Variants in SIPA1L2 observed in about 807,000 individuals in gnomAD.
SIPA1L2 encodes the protein signal induced proliferation associated 1 like 2.
SIPA1L2 carries 56 observed loss-of-function variants against 163.9 expected under a neutral mutation model. The ratio of observed to expected loss-of-function variants is 0.34; its 90% CI spans 0.28 to 0.43. SIPA1L2 has a LOEUF of 0.43. Ranked by LOEUF, SIPA1L2 falls within the 20% of genes least tolerant of loss-of-function variation. SIPA1L2 has a pLI of 1.00. For synonymous variants in SIPA1L2, 877 were observed against 865.7 expected (o/e 1.01, Z -0.23); for missense variants, 1,974 against 2,193.5 (o/e 0.90, Z 2.00).
chr1:232,578,026 T>C (rs1028916084), intron 1 of SIPA1L2, among the ~76,000 whole-genome samples: 9 of 152,170 alleles, frequency 5.9e-5, no homozygotes, highest in South Asian at 2.1e-4. Flanking sequence ...TTTTAAGAAA[T>C]TGCCATACCC....
chr1:232,407,721 G>T (rs1186938982), intron 19 of SIPA1L2, among the ~76,000 whole-genome samples: 1 of 152,128 alleles, frequency 6.6e-6, no homozygotes, highest in Non-Finnish European at 1.5e-5. Context: ...AGGCCTTCGT[G>T]GGGCAGCAAC....
chr1:232,519,063 ACT>A lies in SIPA1L2; in HGVS notation c.-269-3457_-269-3456del, dbSNP rs1667338516. ...AATGGTTGTTAACACTTTGCAGGAC[ACT>A]GTTTGCTCCATGCCATTTTCCCAAA... On this transcript the variant is annotated intron_variant, in intron 2 of 22. Transcript: ENST00000674635. Among the ~76,000 whole-genome samples the A allele has an allele frequency of 3.9e-5, 6 of 152,310 alleles. No individual in the cohort carries two copies. In the South Asian group the frequency reaches 1.2e-3, roughly 32 times the overall value.
At chr1:232,581,346 G>C (rs1660361928) in intron 1 of SIPA1L2, among the ~76,000 whole-genome samples, 1 of 152,164 alleles carries the variant, frequency 6.6e-6, no homozygotes, top group Non-Finnish European at 1.5e-5. Context: ...TTCTGCCAAA[G>C]GAACTAAGCT....
upstream of SIPA1L2, among the ~76,000 whole-genome samples, chr1:232,630,318 G>A (rs1293655751): frequency 6.6e-6 from 1 of 151,914 alleles, no homozygotes; most frequent in Non-Finnish European, 1.5e-5. Flanking sequence ...CCCAGGCCCC[G>A]CGGCGCGCGG....
chr1:232,573,905 C>T (rs1208930035), intron 2 of SIPA1L2, among the ~76,000 whole-genome samples: 2 of 152,126 alleles, frequency 1.3e-5, no homozygotes, highest in Non-Finnish European at 1.5e-5. Flanking sequence ...CTTTTAAACG[C>T]ATTCAGGGAT....
At chr1:232,567,131 T>G (rs1659452702) in intron 2 of SIPA1L2, among the ~76,000 whole-genome samples, 1 of 152,248 alleles carries the variant, frequency 6.6e-6, no homozygotes, top group Non-Finnish European at 1.5e-5. Context: ...ACAAATTAGC[T>G]ATATGACCCT....
At chr1:232,567,059 G>GC (rs563999495) in intron 2 of SIPA1L2, among the ~76,000 whole-genome samples, 175 of 152,226 alleles carry the variant, frequency 1.1e-3, no homozygotes, top group African/African-American at 4.0e-3. Flanking sequence ...GGATGACTTG[G>GC]CCGTCTCCTT....
chr1:232,518,633 C>T (rs1255402084), intron 2 of SIPA1L2, among the ~76,000 whole-genome samples: 1 of 152,170 alleles, frequency 6.6e-6, no homozygotes. Context: ...TTGAGCTGAA[C>T]TGACAACCAT....
At chr1:232,538,174 A>G (rs964620915) in intron 2 of SIPA1L2, among the ~76,000 whole-genome samples, 1 of 152,320 alleles carries the variant, frequency 6.6e-6, no homozygotes, top group Admixed American at 6.5e-5. Flanking sequence ...CACAGGTGGG[A>G]TCACGGTCAG....
Position 232,446,124 on chromosome 1 carries a change from C to T in SIPA1L2, c.3096-338G>A, listed in dbSNP as rs530171660. Among the ~76,000 whole-genome samples the T allele has an allele frequency of 3.2e-4, 49 of 152,230 alleles. 1 individual carries two copies. The South Asian group carries it at 1.0e-2, about 31-fold the overall frequency. Reference sequence around the variant, plus strand: ...TATTAAAATGTTCCAACTACCAATGCGTAAGAAGCAGCTGTTCCAAGACCC... The same window carrying T: ...TATTAAAATGTTCCAACTACCAATGTGTAAGAAGCAGCTGTTCCAAGACCC... On this transcript the variant is annotated intron_variant, in intron 10 of 22. Transcript: ENST00000674635.
intron 2 of SIPA1L2, among the ~76,000 whole-genome samples, chr1:232,531,587 C>G (rs1051607599): frequency 6.6e-6 from 1 of 152,204 alleles, no homozygotes; most frequent in Non-Finnish European, 1.5e-5. Context: ...GGAAAAGGTC[C>G]TGCTCTCACA....
At chr1:232,489,333 C>T (rs1418829323) in intron 5 of SIPA1L2, among the ~76,000 whole-genome samples, 1 of 152,170 alleles carries the variant, frequency 6.6e-6, no homozygotes, top group Non-Finnish European at 1.5e-5. Context: ...CTCTATCCCG[C>T]CATAACATGT....
chr1:232,629,909 G>A lies in SIPA1L2; in HGVS notation c.-359C>T, dbSNP rs1382865529. Among the ~76,000 whole-genome samples, 3 of 151,290 alleles carry A rather than the reference G, an allele frequency of 2.0e-5. No individual in the cohort carries two copies. Among genetic ancestry groups the A allele is most frequent in the Non-Finnish European group, 4.4e-5 (3 of 67,610 alleles). On this transcript the variant is annotated 5_prime_UTR_variant, in exon 1 of 23. Transcript: ENST00000674635. ...CGCCGGAACCTGCTACAGCCTGTGC[G>A]CGCCGGGCGGCGCGTACCCGGGCTG...
chr1:232,445,860 G>GC, intron 10 of SIPA1L2, 74 bp from the exon 11 acceptor site: 1 of 1,544,644 alleles, frequency 6.5e-7, no homozygotes, highest in South Asian at 1.2e-5. Flanking sequence ...TCACAGCTGG[G>GC]CCCCTCAACA....
rs7540441 is a variant in SIPA1L2 at position 232,627,204 on chromosome 1, G to T, written c.-319+2665C>A. ...GCCTTCCTCAATCTCAAAAAATAAC[G>T]CTGCATTTACCAATTATGGTTGGGG... On this transcript the variant is annotated intron_variant, in intron 1 of 22. Coordinates refer to ENST00000674635, the MANE Select transcript of SIPA1L2 (RefSeq NM_020808.5). Among the ~76,000 whole-genome samples the T allele has an allele frequency of 2.0e-5, 3 of 152,070 alleles. No homozygotes were observed. The East Asian group carries it at 5.8e-4, about 29-fold the overall frequency.
At chr1:232,401,379 G>T (rs1327185235) in intron 22 of SIPA1L2, among the ~76,000 whole-genome samples, 3 of 152,120 alleles carry the variant, frequency 2.0e-5, no homozygotes, top group African/African-American at 7.2e-5. Context: ...AAATTCAAAC[G>T]TGCTTTAGCT....
At chr1:232,502,714 A>G (rs1666542746) in intron 3 of SIPA1L2, among the ~76,000 whole-genome samples, 1 of 152,204 alleles carries the variant, frequency 6.6e-6, no homozygotes, top group Non-Finnish European at 1.5e-5. Context: ...CTGCAGACTC[A>G]CAGCTTTTAT....
chr1:232,409,367 A>C (rs1660820257), intron 19 of SIPA1L2, among the ~76,000 whole-genome samples: 1 of 152,194 alleles, frequency 6.6e-6, no homozygotes, highest in African/African-American at 2.4e-5. Flanking sequence ...ATGTTAATTC[A>C]ATCTTACTGA....
At chr1:232,599,488 G>A (rs4649274) in intron 1 of SIPA1L2, among the ~76,000 whole-genome samples, 32,838 of 152,148 alleles carry the variant, frequency 0.22, 3,715 homozygotes, top group Non-Finnish European at 0.24. Context: ...TCTTCTGTAC[G>A]CTATCAAATC....
Sources: gnomAD v4.1 joint callset for allele counts (sites outside exome capture counted in the v4.1 genomes callset) on GRCh38, gnomAD v4.1.1 for gene constraint, MANE v1.5 for transcripts, NCBI Gene and HGNC (gene_info 2026-07-23, HGNC 2026-07-21) for gene names.